The following CUX2 variants were observed in gnomAD, a reference collection of about 807,000 sequenced individuals.
The protein encoded by CUX2 is cut like homeobox 2.
Under a neutral mutation model 144.8 loss-of-function variants are expected in CUX2, and 40 were observed. The ratio of observed to expected loss-of-function variants is 0.28; its 90% CI spans 0.21 to 0.36. The LOEUF (loss-of-function observed/expected upper bound fraction) is 0.36. Ranked by LOEUF, CUX2 falls within the 10% of genes least tolerant of loss-of-function variation. The pLI is 1.00. For missense variants in CUX2, 1,615 were observed against 1,994.0 expected (o/e 0.81, Z 3.62); for synonymous variants, 827 against 875.6 (o/e 0.94, Z 0.98).
chr12:111,256,556 CA>C (rs1490829832), intron 3 of CUX2, among the ~76,000 whole-genome samples: 1 of 152,238 alleles, frequency 6.6e-6, no homozygotes, highest in East Asian at 1.9e-4. Context: ...AGGCTGCTCT[CA>C]AAGTATGTTC....
intron 4 of CUX2, among the ~76,000 whole-genome samples, chr12:111,272,208 C>T (rs904686376): frequency 3.9e-5 from 6 of 152,036 alleles, no homozygotes; most frequent in South Asian, 2.1e-4. Context: ...CCAAATAACT[C>T]GTTTCAGTGC....
intron 3 of CUX2, among the ~76,000 whole-genome samples, chr12:111,234,847 T>C (rs1192829978): frequency 2.0e-5 from 3 of 151,718 alleles, no homozygotes; most frequent in Non-Finnish European, 4.4e-5. Context: ...GCCTCCCGAG[T>C]AGCTGGGACT....
At chr12:111,221,786 C>CTG (rs148816447) in intron 3 of CUX2, among the ~76,000 whole-genome samples, 42 of 150,984 alleles carry the variant, frequency 2.8e-4, no homozygotes, top group East Asian at 1.9e-3. Context: ...TTCTTTCTTT[C>CTG]TGTGTGTGTG....
At position 111,349,532 on chromosome 12, in the gene CUX2, TC is replaced by T. The variant is rs1483688180; in HGVS notation, c.*1209del. ...TCTGGAAGGCATCTGCAACTCCAAG[TC>T]CATGCAGAACTCTGGAAGGCCAAGT... On this transcript the variant is annotated 3_prime_UTR_variant, in exon 22 of 22. Transcript: ENST00000261726. 6.6e-6 allele frequency: 1 copy of T among 152,230 alleles called. No individual in the cohort carries two copies. Among genetic ancestry groups the T allele is most frequent in the Non-Finnish European group, 1.5e-5 (1 of 68,090 alleles). The allele number at this position is 152,230 out of a possible 1,614,324, so 9.4% of individuals were successfully genotyped here.
chr12:111,289,653 G>A lies in CUX2; in HGVS notation c.302-1765G>A, dbSNP rs901844621. On this transcript the variant is annotated intron_variant, in intron 4 of 21. Transcript: ENST00000261726. The surrounding 1 kb of genome is among the most constrained non-coding windows in gnomAD (Gnocchi z 4.1). ...GCTGGGAGAGGGAACCGAATTCCAGGCAGAAGGACCTGCACGTTCCTCACC... is the reference window on the plus strand; with the variant it reads ...GCTGGGAGAGGGAACCGAATTCCAGACAGAAGGACCTGCACGTTCCTCACC... 6.6e-6 allele frequency among the ~76,000 whole-genome samples: 1 copy of A among 152,162 alleles called. No individual in the cohort carries two copies. Among genetic ancestry groups the A allele is most frequent in the Non-Finnish European group, 1.5e-5 (1 of 68,034 alleles).
intron 1 of CUX2, among the ~76,000 whole-genome samples, chr12:111,071,955 T>C (rs1863420414): frequency 6.6e-6 from 1 of 152,228 alleles, no homozygotes; most frequent in African/African-American, 2.4e-5. Context: ...GGGCTCTCTG[T>C]CCTGTTCTAT....
intron 1 of CUX2, among the ~76,000 whole-genome samples, chr12:111,164,189 G>A (rs1877970311): frequency 6.6e-6 from 1 of 152,144 alleles, no homozygotes; most frequent in African/African-American, 2.4e-5. Context: ...GGAGGGAATT[G>A]TCAGCTCCCT....
intron 1 of CUX2, among the ~76,000 whole-genome samples, chr12:111,049,777 G>A (rs978513643): frequency 6.6e-6 from 1 of 152,206 alleles, no homozygotes; most frequent in African/African-American, 2.4e-5. Flanking sequence ...CTGTCCTGTA[G>A]CAGATTGGAG....
At chr12:111,344,437 G>A (rs1888709802) in intron 21 of CUX2, among the ~76,000 whole-genome samples, 1 of 152,190 alleles carries the variant, frequency 6.6e-6, no homozygotes, top group East Asian at 1.9e-4. Flanking sequence ...GGGATGAATA[G>A]GAGTTTGCAC....
rs540562612 is a variant in CUX2, at chr12:111,078,729, G to A, written c.63+44489G>A. On this transcript the variant is annotated intron_variant, in intron 1 of 21. Transcript: ENST00000261726. ...TCTATACAGTGCAATGGGGATCCACGGACAGGTTTTGAACAGGGGGGTGGC... is the reference window on the plus strand; with the variant it reads ...TCTATACAGTGCAATGGGGATCCACAGACAGGTTTTGAACAGGGGGGTGGC... Among the ~76,000 whole-genome samples the A allele has an allele frequency of 3.9e-5, 6 of 152,148 alleles. No homozygotes were observed. The South Asian group carries it at 1.2e-3, about 32-fold the overall frequency.
intron 1 of CUX2, among the ~76,000 whole-genome samples, chr12:111,170,854 G>A (rs548133301): frequency 9.3e-4 from 142 of 152,220 alleles, no homozygotes; most frequent in South Asian, 3.9e-3. Context: ...CGGGCCCAGC[G>A]TGGTAGGAAG....
chr12:111,320,145 G>A lies in CUX2; in HGVS notation c.2136G>A (p.Leu712=), dbSNP rs1182766809. The A allele has an allele frequency of 1.3e-6, 2 of 1,550,764 alleles. No individual in the cohort carries two copies. The highest frequency in any genetic ancestry group is 1.7e-6 in the Non-Finnish European group (2 of 1,151,920). ...TGCAGGCGCAACAGCAGGCGCTGCT[G>A]GAGATGGAGGTGGCGCCCAGGGGCC... is the stretch of plus-strand genomic sequence containing the variant. ...REMQAQQQAL[L]EMEVAPRGRS... Residue 712 remains leucine, a synonymous_variant, in exon 17 of 22, where the codon CTG becomes CTA. Coordinates refer to ENST00000261726, the MANE Select transcript of CUX2 (RefSeq NM_015267.4). The surrounding 1 kb of genome is among the most constrained non-coding windows in gnomAD (Gnocchi z 8.1).
intron 1 of CUX2, among the ~76,000 whole-genome samples, chr12:111,184,845 C>T (rs1463496293): frequency 1.3e-5 from 2 of 152,172 alleles, no homozygotes; most frequent in East Asian, 1.9e-4. Flanking sequence ...GGGCAGATCA[C>T]GAGGTCAGGA....
chr12:111,335,012 G>A (rs182804375), intron 19 of CUX2, among the ~76,000 whole-genome samples: 21 of 151,444 alleles, frequency 1.4e-4, no homozygotes, highest in Middle Eastern at 3.5e-3. Context: ...GGAGAATCGC[G>A]TGAGCCCAGG....
intron 1 of CUX2, among the ~76,000 whole-genome samples, chr12:111,153,407 G>C (rs1047182564): frequency 6.6e-6 from 1 of 152,128 alleles, no homozygotes; most frequent in East Asian, 1.9e-4. Context: ...ACATCATGGA[G>C]TGTTCTTACA....
chr12:111,149,885 A>G (rs904083944), intron 1 of CUX2, among the ~76,000 whole-genome samples: 2 of 152,170 alleles, frequency 1.3e-5, no homozygotes, highest in Non-Finnish European at 2.9e-5. Flanking sequence ...TCATTTGGAA[A>G]TTGGTTTATT....
intron 1 of CUX2, among the ~76,000 whole-genome samples, chr12:111,076,659 G>C (rs543790834): frequency 6.6e-6 from 1 of 152,300 alleles, no homozygotes; most frequent in Non-Finnish European, 1.5e-5. Context: ...AGACGGGCTA[G>C]CCTCCTCCCA....
intron 3 of CUX2, among the ~76,000 whole-genome samples, chr12:111,238,141 T>A (rs533541332): frequency 7.2e-4 from 110 of 152,310 alleles, no homozygotes; most frequent in African/African-American, 2.6e-3. Context: ...TTACCCAAAT[T>A]CAAGCAGACC....
intron 1 of CUX2, among the ~76,000 whole-genome samples, chr12:111,158,982 C>T (rs535157281): frequency 4.6e-5 from 7 of 152,056 alleles, no homozygotes; most frequent in Non-Finnish European, 7.4e-5. Flanking sequence ...CACAGAGGGG[C>T]GCAGGAAATG....
Sources: allele counts gnomAD v4.1 joint callset (sites outside exome capture counted in the v4.1 genomes callset), GRCh38; gene constraint gnomAD v4.1.1; non-coding constraint Gnocchi (gnomAD v3.1); transcripts MANE v1.5; gene names NCBI Gene and HGNC (gene_info 2026-07-23, HGNC 2026-07-21).